CLK3: variants seen among roughly 807,000 people sequenced by gnomAD.
CLK3 encodes CDC like kinase 3, also known as dual specificity protein kinase CLK3.
CLK3 carries 24 observed loss-of-function variants against 65.2 expected under a neutral mutation model. That is an observed-to-expected ratio of 0.37 (90% CI 0.27 to 0.52). The LOEUF (loss-of-function observed/expected upper bound fraction) is 0.52. Among genes scored for constraint, CLK3 ranks in the 20% least tolerant of loss-of-function variants. The pLI is 0.92. For synonymous variants in CLK3, 252 were observed against 240.8 expected (o/e 1.05, Z -0.43); for missense variants, 506 against 660.0 (o/e 0.77, Z 2.56).
rs745797400 is a variant in CLK3, at chr15:74,627,633, C to T, written c.1007C>T (p.Ala336Val). The change falls in exon 9 of 13, where the codon GCC becomes GTC. Residue 336 changes from alanine to valine, a missense_variant. Coordinates refer to ENST00000395066, the MANE Select transcript of CLK3 (RefSeq NM_001130028.2). The surrounding 1 kb of genome is among the most constrained non-coding windows in gnomAD (Gnocchi z 4.3). ...FDHEHHTTIV[A>V]TRHYRPPEVI... ...CATGAGCACCACACCACCATTGTGGCCACCCGTCACTATCGCCCGCCTGAG... is the reference window on the plus strand; with the variant it reads ...CATGAGCACCACACCACCATTGTGGTCACCCGTCACTATCGCCCGCCTGAG... 5.0e-6 allele frequency: 8 copies of T among 1,613,916 alleles called. No individual in the cohort carries two copies. Among genetic ancestry groups the T allele is most frequent in the South Asian group, 1.1e-5 (1 of 91,074 alleles).
chr15:74,611,074 T>TG (rs1414890748), upstream of CLK3, among the ~76,000 whole-genome samples: 1 of 152,140 alleles, frequency 6.6e-6, no homozygotes, highest in Non-Finnish European at 1.5e-5. Context: ...AGATTCTCCC[T>TG]GGGGGGCCAC....
chr15:74,628,545 C>T, intron 10 of CLK3, 59 bp from the exon 11 acceptor site: 1 of 1,277,692 alleles, frequency 7.8e-7, no homozygotes, highest in Non-Finnish European at 1.1e-6. Context: ...GTTCCTTTTT[C>T]TCCTTGAAGG....
intron 6 of CLK3, 40 bp from the exon 7 acceptor site, chr15:74,625,762 C>T: frequency 1.2e-6 from 2 of 1,611,746 alleles, no homozygotes; most frequent in Non-Finnish European, 1.7e-6. Context: ...AGGCAGGCCC[C>T]CAGCACACAG....
At chr15:74,619,057 C>A in intron 1 of CLK3, 140 bp from the exon 2 acceptor site, 1 of 943,036 alleles carries the variant, frequency 1.1e-6, no homozygotes, top group Non-Finnish European at 1.6e-6. Context: ...AGTTCTTCTT[C>A]ACTTCATAAA....
upstream of CLK3, among the ~76,000 whole-genome samples, chr15:74,610,969 C>T (rs1464786182): frequency 1.3e-5 from 2 of 152,234 alleles, no homozygotes; most frequent in African/African-American, 4.8e-5. Context: ...ACAGCCATCT[C>T]CCCCTCTCTG....
rs540076042 is a variant in CLK3, at chr15:74,627,694, T to G, written c.1042+26T>G. 6.2e-7 allele frequency: 1 copy of G among 1,612,908 alleles called. No individual in the cohort carries two copies. Among genetic ancestry groups the G allele is most frequent in the East Asian group, 2.2e-5 (1 of 44,882 alleles). ...GTGAGTGACTGTATGGCCTGTGACC[T>G]TGTCATACTGGACTGTTGTTGGGAG... On this transcript the variant is annotated intron_variant, in intron 9 of 12. Transcript: ENST00000395066. The surrounding 1 kb of genome is among the most constrained non-coding windows in gnomAD (Gnocchi z 4.3).
chr15:74,621,862 G>C lies in CLK3; in HGVS notation c.370-258G>C. The C allele has an allele frequency of 2.1e-6, 1 of 485,762 alleles. No homozygotes were observed. The highest frequency in any genetic ancestry group is 3.9e-6 in the Non-Finnish European group (1 of 255,252). The allele number at this position is 485,762 out of a possible 1,614,324, so 30.1% of individuals were successfully genotyped here. ...CGCTCCTCTTAAAGATAATGTCCGAGTTTTCTTTACATACCTGTAGCTGTT... is the reference window on the plus strand; with the variant it reads ...CGCTCCTCTTAAAGATAATGTCCGACTTTTCTTTACATACCTGTAGCTGTT... On this transcript the variant is annotated intron_variant, in intron 3 of 12. Coordinates refer to ENST00000395066, the MANE Select transcript of CLK3 (RefSeq NM_001130028.2). The surrounding 1 kb of genome is among the most constrained non-coding windows in gnomAD (Gnocchi z 4.8).
At chr15:74,615,362 G>T, upstream of CLK3, 12 of 1,131,510 alleles carry the variant, frequency 1.1e-5, no homozygotes, top group Admixed American at 4.2e-5. Flanking sequence ...TGTGTCGTTC[G>T]CTCGTTTCGC....
In CLK3 at chr15:74,627,787, C is replaced by A; in HGVS notation, c.1042+119C>A. 2 of 1,441,550 alleles carry A rather than the reference C, an allele frequency of 1.4e-6. No homozygotes were observed. The highest frequency in any genetic ancestry group is 1.9e-6 in the Non-Finnish European group (2 of 1,037,244). 89.3% of individuals were successfully genotyped at this position (1,441,550 alleles called of 1,614,324 possible). A position where few individuals can be genotyped will look rare whatever the true frequency, so the allele number is the denominator to read the frequency against. ...CCAGGGCAGGCAGAGTTTCTCAGACCAAGGGGCCAGTGTCATGAGACACAG... is the reference window on the plus strand; with the variant it reads ...CCAGGGCAGGCAGAGTTTCTCAGACAAAGGGGCCAGTGTCATGAGACACAG... On this transcript the variant is annotated intron_variant, in intron 9 of 12. Transcript: ENST00000395066. The surrounding 1 kb of genome is among the most constrained non-coding windows in gnomAD (Gnocchi z 4.3).
rs2062156090 is a variant in CLK3 at position 74,627,774 on chromosome 15, GAGTTTCTCAGACCAAGGGGCC to G, written c.1042+110_1042+130del. On this transcript the variant is annotated intron_variant, in intron 9 of 12. Coordinates refer to ENST00000395066, the MANE Select transcript of CLK3 (RefSeq NM_001130028.2). The surrounding 1 kb of genome is among the most constrained non-coding windows in gnomAD (Gnocchi z 4.3). Reference sequence around the variant, plus strand: ...CATTCTCTGCCACCCAGGGCAGGCAGAGTTTCTCAGACCAAGGGGCCAGTGTCATGAGACACAGGTGACTGA... The same window carrying G: ...CATTCTCTGCCACCCAGGGCAGGCAGAGTGTCATGAGACACAGGTGACTGA... The G allele has an allele frequency of 6.6e-7, 1 of 1,510,462 alleles. No individual in the cohort carries two copies. Among genetic ancestry groups the G allele is most frequent in the Admixed American group, 1.7e-5 (1 of 58,406 alleles). The allele number at this position is 1,510,462 out of a possible 1,614,324, so 93.6% of individuals were successfully genotyped here.
At chr15:74,628,897 T>A in intron 11 of CLK3, 45 bp from the exon 12 acceptor site, 1 of 1,394,666 alleles carries the variant, frequency 7.2e-7, no homozygotes, top group Non-Finnish European at 1.0e-6. Context: ...CAGAGGCTTG[T>A]CCCCTTACTA....
rs921258213 is a variant in CLK3 at position 74,622,785 on chromosome 15, G to T, written c.533+225G>T. Among the ~76,000 whole-genome samples the T allele has an allele frequency of 3.9e-5, 6 of 152,188 alleles. No homozygotes were observed. Among genetic ancestry groups the T allele is most frequent in the Admixed American group, 2.0e-4 (3 of 15,282 alleles). ...TATGTGGCATCCCTACCCAAGAATTGTTGGTCAGTGAAAGGTTCTGCTCCA... is the reference window on the plus strand; with the variant it reads ...TATGTGGCATCCCTACCCAAGAATTTTTGGTCAGTGAAAGGTTCTGCTCCA... On this transcript the variant is annotated intron_variant, in intron 5 of 12. Coordinates refer to ENST00000395066, the MANE Select transcript of CLK3 (RefSeq NM_001130028.2). This position sits in a 1 kb window ranked among gnomAD's most constrained non-coding sequence, Gnocchi z 4.6.
rs2062105498 is a variant in CLK3, at chr15:74,621,772, C to T, written c.370-348C>T. 2.8e-6 allele frequency: 1 copy of T among 361,916 alleles called. No individual in the cohort carries two copies. The highest frequency in any genetic ancestry group is 2.1e-5 in the South Asian group (1 of 47,136). The allele number at this position is 361,916 out of a possible 1,614,324, so 22.4% of individuals were successfully genotyped here. Reference sequence around the variant, plus strand: ...GAGGAGGAGGAGGAGGGAGTCGGGGCGATGGCTCTCCTCACAGCGTGGCCC... The same window carrying T: ...GAGGAGGAGGAGGAGGGAGTCGGGGTGATGGCTCTCCTCACAGCGTGGCCC... On this transcript the variant is annotated intron_variant, in intron 3 of 12. Transcript: ENST00000395066. The surrounding 1 kb of genome is among the most constrained non-coding windows in gnomAD (Gnocchi z 4.8).
Position 74,629,997 on chromosome 15 carries a change from G to A in CLK3, c.*114G>A. 9.6e-7 allele frequency: 1 copy of A among 1,042,708 alleles called. No homozygotes were observed. The highest frequency in any genetic ancestry group is 1.4e-6 in the Non-Finnish European group (1 of 725,428). 64.6% of individuals were successfully genotyped at this position (1,042,708 alleles called of 1,614,324 possible). A position where few individuals can be genotyped will look rare whatever the true frequency, so the allele number is the denominator to read the frequency against. On this transcript the variant is annotated 3_prime_UTR_variant, in exon 13 of 13. Transcript: ENST00000395066. The stretch of plus-strand genomic sequence containing the variant: ...AGAGCCACCCAATGAACAGTGCAAT[G>A]TGAAGGAAGGCAGGAGCCTGCAGGG...
chr15:74,610,636 G>A (rs759821928), intron 1 of CLK3, among the ~76,000 whole-genome samples: 1 of 152,212 alleles, frequency 6.6e-6, no homozygotes, highest in African/African-American at 2.4e-5. Flanking sequence ...TATCTATCAC[G>A]ACAGGCTCCA....
At position 74,629,008 on chromosome 15, in the gene CLK3, G is replaced by A. The variant is rs1284427245; in HGVS notation, c.1272G>A (p.Val424=). The A allele has an allele frequency of 6.2e-7, 1 of 1,613,684 alleles. No homozygotes were observed. The highest frequency in any genetic ancestry group is 8.5e-7 in the Non-Finnish European group (1 of 1,179,668). The change falls in exon 12 of 13, where the codon GTG becomes GTA. Residue 424 remains valine, a synonymous_variant. Coordinates refer to ENST00000395066, the MANE Select transcript of CLK3 (RefSeq NM_001130028.2). Reference sequence around the variant, plus strand: ...AGAACAGCTCTGACGGCCGGTATGTGAAGGAGAACTGCAAACCTCTGAAGG... The same window carrying A: ...AGAACAGCTCTGACGGCCGGTATGTAAAGGAGAACTGCAAACCTCTGAAGG... ...WDENSSDGRY[V]KENCKPLKSY... is the part of the protein sequence containing the mutation.
At position 74,615,852 on chromosome 15, in the gene CLK3, C is replaced by G. The variant is rs774595852; in HGVS notation, c.-47C>G. 4.2e-5 allele frequency: 53 copies of G among 1,254,860 alleles called. No homozygotes were observed. The highest frequency in any genetic ancestry group is 4.9e-5 in the Non-Finnish European group (49 of 999,576). 77.7% of individuals were successfully genotyped at this position (1,254,860 alleles called of 1,614,324 possible). ...GTCGCAGCCGGAAGCGGAAGAGGCG[C>G]TCGGAGCGGGGAGTGGGGCCTAGCT... On this transcript the variant is annotated 5_prime_UTR_variant, in exon 1 of 13. Coordinates refer to ENST00000395066, the MANE Select transcript of CLK3 (RefSeq NM_001130028.2).
Position 74,622,325 on chromosome 15 carries a change from C to T in CLK3, c.466+109C>T. 8.9e-7 allele frequency: 1 copy of T among 1,125,944 alleles called. No homozygotes were observed. The highest frequency in any genetic ancestry group is 1.3e-6 in the Non-Finnish European group (1 of 766,904). The allele number at this position is 1,125,944 out of a possible 1,614,324, so 69.7% of individuals were successfully genotyped here. ...TAGTGCGCGTGGTGCCTTAGCGGGG[C>T]CACCAGTAATTGCCTGAATGACACA... On this transcript the variant is annotated intron_variant, in intron 4 of 12. Coordinates refer to ENST00000395066, the MANE Select transcript of CLK3 (RefSeq NM_001130028.2). The surrounding 1 kb of genome is among the most constrained non-coding windows in gnomAD (Gnocchi z 4.6).
Position 74,622,011 on chromosome 15 carries a change from C to G in CLK3, c.370-109C>G, listed in dbSNP as rs775747054. ...TGGAAAATCCAACCAACCAACCCAC[C>G]GGCTCCTCACCGTCTCCACCTCTGC... On this transcript the variant is annotated intron_variant, in intron 3 of 12. Coordinates refer to ENST00000395066, the MANE Select transcript of CLK3 (RefSeq NM_001130028.2). This position sits in a 1 kb window ranked among gnomAD's most constrained non-coding sequence, Gnocchi z 4.6. The G allele has an allele frequency of 1.0e-6, 1 of 969,010 alleles. No individual in the cohort carries two copies. Among genetic ancestry groups the G allele is most frequent in the East Asian group, 2.5e-5 (1 of 40,198 alleles). 60.0% of individuals were successfully genotyped at this position (969,010 alleles called of 1,614,324 possible).
Sources: gnomAD v4.1 joint callset for allele counts (sites outside exome capture counted in the v4.1 genomes callset) on GRCh38, gnomAD v4.1.1 for gene constraint, Gnocchi (gnomAD v3.1) non-coding constraint, MANE v1.5 for transcripts, NCBI Gene and HGNC (gene_info 2026-07-23, HGNC 2026-07-21) for gene names.